KHDRBS2: variants seen among roughly 807,000 people sequenced by gnomAD.
KHDRBS2 encodes KH RNA binding domain containing, signal transduction associated 2, also known as KH domain-containing, RNA-binding, signal transduction-associated protein 2.
A neutral mutation model predicts 44.3 loss-of-function variants in KHDRBS2; 26 were observed. That is an observed-to-expected ratio of 0.59 (90% CI 0.43 to 0.81). The LOEUF (loss-of-function observed/expected upper bound fraction) is 0.81, where lower values mean the gene tolerates loss of function less well. KHDRBS2 is among the 40% of genes least tolerant of loss of function. The pLI is 0.00. For synonymous variants in KHDRBS2, 194 were observed against 151.1 expected, an observed-to-expected ratio of 1.28 and a Z score of -2.08; for missense variants, 476 against 433.1, an observed-to-expected ratio of 1.10 and a Z score of -0.88.
intron 2 of KHDRBS2, among the ~76,000 whole-genome samples, chr6:62,154,893 A>G (rs886949752): frequency 2.0e-5 from 3 of 152,218 alleles, no homozygotes; most frequent in African/African-American, 7.2e-5. Context: ...GGAAGAAGGG[A>G]CCATGCAAGT....
intron 1 of KHDRBS2, among the ~76,000 whole-genome samples, chr6:62,206,645 TAA>T (rs1585202630): frequency 6.6e-6 from 1 of 152,098 alleles, no homozygotes; most frequent in East Asian, 1.9e-4. Flanking sequence ...ATAATTTTGA[TAA>T]TACTAACATA....
chr6:61,757,613 C>T (rs776619517), intron 6 of KHDRBS2, among the ~76,000 whole-genome samples: 3 of 152,094 alleles, frequency 2.0e-5, no homozygotes, highest in Non-Finnish European at 4.4e-5. Context: ...TATCATCTCG[C>T]TATTTGTTCC....
chr6:62,216,875 T>C (rs574337), intron 1 of KHDRBS2, among the ~76,000 whole-genome samples: 35,738 of 150,862 alleles, frequency 0.24, 6,074 homozygotes, highest in African/African-American at 0.47. Flanking sequence ...ATTTTTAGGC[T>C]TCTGGGAAGC....
chr6:61,863,589 G>T (rs1460076952), intron 6 of KHDRBS2, among the ~76,000 whole-genome samples: 1 of 152,022 alleles, frequency 6.6e-6, no homozygotes, highest in Non-Finnish European at 1.5e-5. Context: ...TAGTTAAATG[G>T]TTTTGAGTGA....
At chr6:62,073,098 G>C (rs1235774706) in intron 2 of KHDRBS2, among the ~76,000 whole-genome samples, 2 of 151,250 alleles carry the variant, frequency 1.3e-5, no homozygotes, top group Admixed American at 1.3e-4. Context: ...GAATTTATCC[G>C]GAAAGTGTTC....
chr6:62,109,540 T>A (rs1390101338), intron 2 of KHDRBS2, among the ~76,000 whole-genome samples: 3 of 151,774 alleles, frequency 2.0e-5, no homozygotes, highest in African/African-American at 4.8e-5. Flanking sequence ...GTGTAGAAAA[T>A]CCAATGGAAT....
intron 6 of KHDRBS2, among the ~76,000 whole-genome samples, chr6:61,823,098 T>C (rs1356006462): frequency 6.6e-6 from 1 of 152,004 alleles, no homozygotes; most frequent in Non-Finnish European, 1.5e-5. Flanking sequence ...AGGTGTTGGT[T>C]GCTGGGTTTT....
At chr6:61,869,350 G>A (rs565981044) in intron 6 of KHDRBS2, among the ~76,000 whole-genome samples, 4 of 152,282 alleles carry the variant, frequency 2.6e-5, no homozygotes, top group African/African-American at 4.8e-5. Flanking sequence ...TATAGTGAGA[G>A]AAAATATTTG....
At chr6:61,602,713 A>C in the KHDRBS2 span, among the ~76,000 whole-genome samples, 9 of 152,060 alleles carry the variant, frequency 5.9e-5, no homozygotes, top group African/African-American at 1.9e-4. Flanking sequence ...CTTCTTTTCA[A>C]GGGCCTGTTT....
At chr6:61,746,246 A>T (rs1776839171) in intron 6 of KHDRBS2, among the ~76,000 whole-genome samples, 1 of 152,042 alleles carries the variant, frequency 6.6e-6, no homozygotes, top group Admixed American at 6.6e-5. Context: ...AGTTTAGAAG[A>T]CGTCATCTAA....
chr6:61,597,773 T>TATATATATATATATACATACATACAC, the KHDRBS2 span, among the ~76,000 whole-genome samples: 1 of 42,328 alleles, frequency 2.4e-5, no homozygotes, highest in Non-Finnish European at 4.8e-5. Context: ...TATATATATA[T>TATATATATATATATACATACATACAC]ACACCAAGAT....
chr6:61,719,562 C>T (rs1220374957), intron 7 of KHDRBS2, among the ~76,000 whole-genome samples: 1 of 152,080 alleles, frequency 6.6e-6, no homozygotes, highest in Admixed American at 6.6e-5. Flanking sequence ...GTCAAAACTT[C>T]AAGTATGTGA....
intron 1 of KHDRBS2, among the ~76,000 whole-genome samples, chr6:62,273,209 T>C (rs1240488440): frequency 6.6e-6 from 1 of 152,122 alleles, no homozygotes; most frequent in Non-Finnish European, 1.5e-5. Flanking sequence ...TGATGAAATA[T>C]TATCAATTTC....
intron 4 of KHDRBS2, among the ~76,000 whole-genome samples, chr6:61,968,847 G>T (rs1188397779): frequency 6.6e-6 from 1 of 151,892 alleles, no homozygotes; most frequent in Non-Finnish European, 1.5e-5. Flanking sequence ...TATCCTCACT[G>T]GTAAAATGAG....
chr6:61,742,630 C>T (rs1185905659), intron 6 of KHDRBS2, among the ~76,000 whole-genome samples: 1 of 151,906 alleles, frequency 6.6e-6, no homozygotes, highest in Non-Finnish European at 1.5e-5. Flanking sequence ...GACTAGATTG[C>T]TGGCTTGGGA....
chr6:61,705,158 T>C (rs1029177405), intron 7 of KHDRBS2, among the ~76,000 whole-genome samples: 6 of 151,832 alleles, frequency 4.0e-5, no homozygotes, highest in Admixed American at 1.3e-4. Context: ...CTTAATTCTC[T>C]TTTTGCCAAA....
intron 6 of KHDRBS2, among the ~76,000 whole-genome samples, chr6:61,790,196 G>A (rs1287814699): frequency 1.3e-5 from 2 of 151,328 alleles, no homozygotes. Flanking sequence ...ACAAATCTGT[G>A]TAAAAGTAAA....
intron 2 of KHDRBS2, among the ~76,000 whole-genome samples, chr6:62,082,435 A>G (rs561924893): frequency 6.6e-6 from 1 of 152,106 alleles, no homozygotes; most frequent in East Asian, 1.9e-4. Context: ...TTTGAGTTGA[A>G]GATGAAGGAA....
intron 5 of KHDRBS2, among the ~76,000 whole-genome samples, chr6:61,900,468 T>C (rs879735140): frequency 6.6e-6 from 1 of 152,202 alleles, no homozygotes; most frequent in Non-Finnish European, 1.5e-5. Context: ...CTGAAGGCTA[T>C]GAGTATTTTT....
Sources: allele counts gnomAD v4.1 joint callset (sites outside exome capture counted in the v4.1 genomes callset), GRCh38; gene constraint gnomAD v4.1.1; transcripts MANE v1.5; gene names NCBI Gene and HGNC (gene_info 2026-07-23, HGNC 2026-07-21).